BLTP1: variants seen among roughly 807,000 people sequenced by gnomAD.
BLTP1 encodes the protein bridge-like lipid transfer protein family member 1.
chr4:122,264,918 T>C, the BLTP1 span, among the ~76,000 whole-genome samples: 1 of 152,220 alleles, frequency 6.6e-6, no homozygotes, highest in Non-Finnish European at 1.5e-5. Context: ...GACTCTAGGC[T>C]TAGATGTTTA....
the BLTP1 span, among the ~76,000 whole-genome samples, chr4:122,290,321 C>G: frequency 6.6e-6 from 1 of 152,084 alleles, no homozygotes; most frequent in East Asian, 1.9e-4. Flanking sequence ...AGTAAAATTC[C>G]TTTCTGCCAC....
At chr4:122,327,326 A>G in the BLTP1 span, among the ~76,000 whole-genome samples, 4 of 151,760 alleles carry the variant, frequency 2.6e-5, no homozygotes, top group Non-Finnish European at 5.9e-5. Flanking sequence ...ACATCCTCCC[A>G]TATACATTAA....
chr4:122,325,752 T>A, the BLTP1 span: 1 of 794,650 alleles, frequency 1.3e-6, no homozygotes. Context: ...ATATTAAACA[T>A]TATATTAAAA....
chr4:122,308,002 C>T, the BLTP1 span: 2 of 1,613,246 alleles, frequency 1.2e-6, no homozygotes, highest in Non-Finnish European at 8.5e-7. Flanking sequence ...GAATGAACAA[C>T]GAATGGCTTT....
the BLTP1 span, chr4:122,336,232 A>G: frequency 6.2e-7 from 1 of 1,610,532 alleles, no homozygotes; most frequent in Non-Finnish European, 8.5e-7. Context: ...CAGCCAAGTT[A>G]TATGCCTGGG....
the BLTP1 span, chr4:122,325,697 AGAAG>A: frequency 3.8e-5 from 34 of 904,514 alleles, no homozygotes; most frequent in Non-Finnish European, 4.8e-5. Context: ...AGCAGAAATT[AGAAG>A]GAAGAAGATC....
chr4:122,355,230 A>G, the BLTP1 span, among the ~76,000 whole-genome samples: 1 of 152,170 alleles, frequency 6.6e-6, no homozygotes, highest in East Asian at 1.9e-4. Flanking sequence ...ACTAATTATT[A>G]TAATTCTAAG....
the BLTP1 span, chr4:122,239,368 T>C: frequency 1.3e-6 from 1 of 746,578 alleles, no homozygotes; most frequent in Non-Finnish European, 2.1e-6. Context: ...GTTTTGCTAC[T>C]TTGGGTATTT....
chr4:122,323,564 A>G, the BLTP1 span, among the ~76,000 whole-genome samples: 1 of 151,826 alleles, frequency 6.6e-6, no homozygotes, highest in African/African-American at 2.4e-5. Flanking sequence ...TCCAGGAGCT[A>G]TTGGCTTGAC....
the BLTP1 span, chr4:122,258,754 C>G: frequency 1.2e-6 from 2 of 1,614,030 alleles, no homozygotes; most frequent in Non-Finnish European, 1.7e-6. Flanking sequence ...CCGGCCTCCA[C>G]CTGGTAGCTC....
chr4:122,271,433 A>C, the BLTP1 span: 2 of 1,613,722 alleles, frequency 1.2e-6, no homozygotes, highest in Non-Finnish European at 1.7e-6. Flanking sequence ...TAGAGTAAAT[A>C]ATGCAAAGAA....
chr4:122,297,281 G>C, the BLTP1 span, among the ~76,000 whole-genome samples: 2 of 152,150 alleles, frequency 1.3e-5, no homozygotes, highest in Non-Finnish European at 2.9e-5. Context: ...AGACATTCAC[G>C]TGGCCAACAA....
the BLTP1 span, among the ~76,000 whole-genome samples, chr4:122,160,575 C>T: frequency 6.6e-6 from 1 of 152,184 alleles, no homozygotes; most frequent in South Asian, 2.1e-4. Flanking sequence ...GAAGGAACTT[C>T]ACAAAGTCAT....
chr4:122,269,782 C>A, the BLTP1 span: 2 of 581,314 alleles, frequency 3.4e-6, no homozygotes, highest in Non-Finnish European at 4.3e-6. Context: ...TGTAGTAAGT[C>A]CTCATACATG....
chr4:122,348,573 T>C, the BLTP1 span: 1 of 1,589,738 alleles, frequency 6.3e-7, no homozygotes, highest in Non-Finnish European at 8.6e-7. Flanking sequence ...TTAGATTCAC[T>C]TTCAAAAACA....
At chr4:122,152,913 C>G in the BLTP1 span, 1 of 823,474 alleles carries the variant, frequency 1.2e-6, no homozygotes, top group Admixed American at 6.2e-5. Flanking sequence ...CAGGCTCGGA[C>G]TGCAGCCTTG....
the BLTP1 span, among the ~76,000 whole-genome samples, chr4:122,161,846 G>A: frequency 2.4e-4 from 36 of 152,260 alleles, no homozygotes; most frequent in East Asian, 6.6e-3. Flanking sequence ...TTATAATGAT[G>A]CATTTATTTC....
At chr4:122,264,164 G>T in the BLTP1 span, 1 of 1,409,342 alleles carries the variant, frequency 7.1e-7, no homozygotes. Flanking sequence ...CTACTATACA[G>T]GCTTCAAAAG....
chr4:122,267,787 T>A, the BLTP1 span: 1 of 182,976 alleles, frequency 5.5e-6, no homozygotes, highest in Non-Finnish European at 1.0e-5. Flanking sequence ...CTAACAGGAT[T>A]TGAGTAATAT....
Sources: gnomAD v4.1 joint callset for allele counts (sites outside exome capture counted in the v4.1 genomes callset) on GRCh38, gnomAD v4.1.1 for gene constraint, MANE v1.5 for transcripts, NCBI Gene and HGNC (gene_info 2026-07-23, HGNC 2026-07-21) for gene names.